Variants in HIVEP3 observed in about 807,000 individuals in gnomAD.
HIVEP3 encodes transcription factor HIVEP3.
In HIVEP3, 49 loss-of-function variants were observed where a neutral mutation model predicts 152.8. The ratio of observed to expected loss-of-function variants is 0.32; its 90% CI spans 0.26 to 0.41. The LOEUF is 0.41. HIVEP3 is among the 10% of genes least tolerant of loss of function. The pLI is 1.00. For missense variants in HIVEP3, 2,790 were observed against 3,103.3 expected (o/e 0.90, Z 2.40); for synonymous variants, 1,269 against 1,289.0 (o/e 0.98, Z 0.33).
At chr1:41,982,501 G>C (rs1255606269) in intron 1 of HIVEP3, among the ~76,000 whole-genome samples, 2 of 152,122 alleles carry the variant, frequency 1.3e-5, no homozygotes, top group Non-Finnish European at 1.5e-5. Context: ...CCTTCAAAAA[G>C]AGGAATTTAT....
chr1:41,842,730 A>G (rs1643325861), intron 1 of HIVEP3, among the ~76,000 whole-genome samples: 1 of 152,120 alleles, frequency 6.6e-6, no homozygotes, highest in Non-Finnish European at 1.5e-5. Context: ...ATCCCTCGAG[A>G]TGGTGAAGCT....
intron 1 of HIVEP3, among the ~76,000 whole-genome samples, chr1:41,807,067 A>G (rs367843269): frequency 5.9e-5 from 9 of 152,156 alleles, no homozygotes; most frequent in South Asian, 4.2e-4. Flanking sequence ...TGCCCCCGCT[A>G]CTTTCCTGTG....
At chr1:41,545,131 C>CCAA (rs1643714499) in intron 5 of HIVEP3, among the ~76,000 whole-genome samples, 2 of 139,804 alleles carry the variant, frequency 1.4e-5, no homozygotes, top group Non-Finnish European at 3.1e-5. Context: ...ATCATCACCA[C>CCAA]TACCACCATC....
At chr1:41,920,577 G>GTTTTTTTTTTTT, upstream of HIVEP3, among the ~76,000 whole-genome samples, 1 of 123,180 alleles carries the variant, frequency 8.1e-6, no homozygotes, top group Non-Finnish European at 2.0e-5. Context: ...AAACAAGATG[G>GTTTTTTTTTTTT]TTTTTTTTTT....
chr1:41,953,753 G>A (rs1310894747), intron 1 of HIVEP3, among the ~76,000 whole-genome samples: 1 of 152,192 alleles, frequency 6.6e-6, no homozygotes, highest in Non-Finnish European at 1.5e-5. Context: ...TTGGGATAAT[G>A]AGAGGAAGAA....
Position 42,009,600 on chromosome 1 carries a change from G to A in HIVEP3, n.119+26207C>T, listed in dbSNP as rs554870544. 4.6e-5 allele frequency among the ~76,000 whole-genome samples: 7 copies of A among 152,226 alleles called. No homozygotes were observed. In the East Asian group the frequency reaches 1.2e-3, roughly 25 times the overall value. ...TTCAAATTGCTCTATACACATCTTA[G>A]AAAGGAAAGAGCTACTTAGCCAGTG... On this transcript the variant is annotated intron_variant and non_coding_transcript_variant, in intron 1 of 3. Transcript: ENST00000489103.
intron 5 of HIVEP3, among the ~76,000 whole-genome samples, chr1:41,536,030 G>A (rs766065442): frequency 1.3e-5 from 2 of 152,106 alleles, no homozygotes; most frequent in Non-Finnish European, 2.9e-5. Context: ...AAAGGAACTC[G>A]GCACAGAGCC....
chr1:41,767,986 T>C (rs1039394117), intron 1 of HIVEP3, among the ~76,000 whole-genome samples: 4 of 152,244 alleles, frequency 2.6e-5, no homozygotes, highest in Admixed American at 2.0e-4. Flanking sequence ...GGATTGTAGA[T>C]GTAGATGGCA....
At chr1:41,777,709 T>C (rs901640209) in intron 1 of HIVEP3, among the ~76,000 whole-genome samples, 6 of 152,242 alleles carry the variant, frequency 3.9e-5, no homozygotes, top group Non-Finnish European at 5.9e-5. Flanking sequence ...ATCTCTCAAA[T>C]GGGAACAGTA....
intron 1 of HIVEP3, among the ~76,000 whole-genome samples, chr1:41,735,551 C>A (rs1014422667): frequency 2.0e-5 from 3 of 152,136 alleles, no homozygotes; most frequent in African/African-American, 7.2e-5. Context: ...TAAAATAGAA[C>A]CATCCAGGCT....
intron 1 of HIVEP3, among the ~76,000 whole-genome samples, chr1:41,988,438 C>T (rs1163410279): frequency 6.6e-6 from 1 of 152,136 alleles, no homozygotes; most frequent in East Asian, 1.9e-4. Flanking sequence ...CAAAAGAAGA[C>T]ATACATATGG....
intron 2 of HIVEP3, among the ~76,000 whole-genome samples, chr1:41,693,445 CTG>C (rs1490760398): frequency 6.6e-6 from 1 of 152,210 alleles, no homozygotes; most frequent in Non-Finnish European, 1.5e-5. Flanking sequence ...TTTGTATCCT[CTG>C]TATTTTGTCA....
At chr1:41,981,950 G>A (rs1645296381) in intron 1 of HIVEP3, among the ~76,000 whole-genome samples, 1 of 152,164 alleles carries the variant, frequency 6.6e-6, no homozygotes, top group African/African-American at 2.4e-5. Context: ...AAAGAAGAGG[G>A]AAGTAAATAT....
rs75171918 is a variant in HIVEP3, at chr1:41,973,276, G to A, written n.120-54752C>T. On this transcript the variant is annotated intron_variant and non_coding_transcript_variant, in intron 1 of 3. Transcript: ENST00000489103. ...GAAGCCAGGCATGGCTTAGCTGGGC[G>A]TTCATTACCAGCTTCAGGGTCTCTT... is the stretch of plus-strand genomic sequence containing the variant. Among the ~76,000 whole-genome samples, 1,306 of 152,314 alleles carry A rather than the reference G, an allele frequency of 8.6e-3. 21 individuals carry two copies. The highest frequency in any genetic ancestry group is 0.03 in the African/African-American group (1,244 of 41,568).
At chr1:41,887,367 T>G (rs903400226) in intron 1 of HIVEP3, among the ~76,000 whole-genome samples, 2 of 152,266 alleles carry the variant, frequency 1.3e-5, no homozygotes, top group South Asian at 2.1e-4. Context: ...ATTTTGTATT[T>G]GTAATTTTAT....
intron 1 of HIVEP3, among the ~76,000 whole-genome samples, chr1:41,890,200 C>T (rs1303812669): frequency 6.6e-6 from 1 of 152,206 alleles, no homozygotes; most frequent in African/African-American, 2.4e-5. Flanking sequence ...TTACTTAGAA[C>T]CAAGCCTGGA....
intron 1 of HIVEP3, among the ~76,000 whole-genome samples, chr1:41,948,452 T>C (rs1011280390): frequency 9.9e-5 from 15 of 151,890 alleles, no homozygotes; most frequent in Non-Finnish European, 7.4e-5. Context: ...TACAGAAACC[T>C]AAAGAGGTGG....
intron 1 of HIVEP3, among the ~76,000 whole-genome samples, chr1:41,949,477 C>T (rs1043929296): frequency 3.3e-5 from 5 of 152,146 alleles, no homozygotes; most frequent in South Asian, 2.1e-4. Flanking sequence ...TTAGGCTAAT[C>T]GCCAAAAGAG....
At chr1:42,021,474 AG>A (rs1376927354) in intron 1 of HIVEP3, among the ~76,000 whole-genome samples, 1 of 152,030 alleles carries the variant, frequency 6.6e-6, no homozygotes, top group Non-Finnish European at 1.5e-5. Context: ...ATTTAGGGTA[AG>A]GGGGGGTTGG....
Sources: allele counts gnomAD v4.1 joint callset (sites outside exome capture counted in the v4.1 genomes callset), GRCh38; gene constraint gnomAD v4.1.1; transcripts MANE v1.5; gene names NCBI Gene and HGNC (gene_info 2026-07-23, HGNC 2026-07-21).